USP32: variants seen among roughly 807,000 people sequenced by gnomAD.
USP32 encodes the protein ubiquitin specific peptidase 32.
In USP32, 59 loss-of-function variants were observed where a neutral mutation model predicts 204.8. The observed-to-expected ratio is 0.29, with a 90% confidence interval of 0.23 to 0.36. The LOEUF (loss-of-function observed/expected upper bound fraction) is 0.36. Among genes scored for constraint, USP32 ranks in the 10% least tolerant of loss-of-function variants. The pLI, the probability that USP32 is intolerant of heterozygous loss-of-function variation, is 1.00. For synonymous variants in USP32, 517 were observed against 678.4 expected (o/e 0.76, Z 3.70); for missense variants, 1,160 against 1,946.4 (o/e 0.60, Z 7.60).
intron 30 of USP32, among the ~76,000 whole-genome samples, chr17:60,184,140 T>C (rs2145368652): frequency 6.6e-6 from 1 of 150,996 alleles, no homozygotes; most frequent in Non-Finnish European, 1.5e-5. Context: ...AATAAATAAA[T>C]AAATAAATAA....
At chr17:60,392,288 T>G, upstream of USP32, 1 of 356,322 alleles carries the variant, frequency 2.8e-6, no homozygotes, top group Non-Finnish European at 5.2e-6. Flanking sequence ...CAGACACTGT[T>G]CCCGGTAACG....
Position 60,332,572 on chromosome 17 carries a change from C to A in USP32, c.186+12909G>T, listed in dbSNP as rs112584197. On this transcript the variant is annotated intron_variant, in intron 2 of 33. Transcript: ENST00000300896. ...CTGAAGCAGGAGAATCGCTTGAACC[C>A]AGGAGGCGGAGACTGCAGTGAGCCA... Among the ~76,000 whole-genome samples the A allele has an allele frequency of 8.8e-4, 134 of 152,076 alleles. 1 individual carries two copies. The highest frequency in any genetic ancestry group is 2.8e-3 in the African/African-American group (117 of 41,468).
intron 4 of USP32, among the ~76,000 whole-genome samples, chr17:60,293,506 C>A (rs1312602235): frequency 6.6e-6 from 1 of 152,012 alleles, no homozygotes; most frequent in Non-Finnish European, 1.5e-5. Context: ...ATGTCAGAAC[C>A]AAAAACACAG....
chr17:60,227,966 T>C (rs928691219), intron 12 of USP32, among the ~76,000 whole-genome samples: 6 of 152,158 alleles, frequency 3.9e-5, no homozygotes, highest in Admixed American at 6.6e-5. Flanking sequence ...GGAATCTATA[T>C]TACATATGAA....
At position 60,265,960 on chromosome 17, in the gene USP32, C is replaced by T. The variant is rs372783410; in HGVS notation, c.927+16G>A. The stretch of plus-strand genomic sequence containing the variant: ...GGAAGTTTATACGCAACAAGACATA[C>T]ACAATCATAACTTACAGGAATATCA... On this transcript the variant is annotated intron_variant, in intron 8 of 33. Transcript: ENST00000300896. 8.2e-6 allele frequency: 13 copies of T among 1,591,130 alleles called. No individual in the cohort carries two copies. The highest frequency in any genetic ancestry group is 6.6e-5 in the South Asian group (6 of 90,246).
rs200047889 is a variant in USP32, at chr17:60,198,266, T to A, written c.3428A>T (p.Gln1143Leu). Residue 1143 changes from glutamine to leucine, a missense_variant, in exon 27 of 34, where the codon CAG becomes CTG. Physicochemically the swap from Gln to Leu is moderately radical, Grantham distance 113. This residue lies in a region of USP32 where 160 missense variants were observed against 322.5 expected (regional missense o/e 0.50). Transcript: ENST00000300896. ...LPPQEASNHA[Q>L]DCDDSMGYQY... Reference sequence around the variant, plus strand: ...ATGGATCCCCTGAACTCACCAATCCTGGGCATGATTACTAGCTTCCTGAGG... The same window carrying A: ...ATGGATCCCCTGAACTCACCAATCCAGGGCATGATTACTAGCTTCCTGAGG... 1.5e-5 allele frequency: 24 copies of A among 1,614,052 alleles called. No individual in the cohort carries two copies. The Admixed American group carries it at 2.5e-4, about 17-fold the overall frequency.
chr17:60,209,940 A>C (rs2084916879), intron 21 of USP32, among the ~76,000 whole-genome samples: 1 of 151,998 alleles, frequency 6.6e-6, no homozygotes, highest in African/African-American at 2.4e-5. Flanking sequence ...TACATAGTAT[A>C]TACATAACAT....
intron 5 of USP32, among the ~76,000 whole-genome samples, chr17:60,280,974 G>A (rs954000200): frequency 1.3e-5 from 2 of 152,204 alleles, no homozygotes; most frequent in Non-Finnish European, 2.9e-5. Context: ...GTAGCTGCTT[G>A]CCAGAAGCCA....
At chr17:60,181,182 AT>A (rs2084101661) in intron 32 of USP32, 141 bp downstream of exon 32, 1 of 1,154,034 alleles carries the variant, frequency 8.7e-7, no homozygotes, top group Non-Finnish European at 1.2e-6. Flanking sequence ...GCAGGCCAAG[AT>A]TTCTGTGTTA....
At chr17:60,327,907 C>T (rs1229334182) in intron 2 of USP32, among the ~76,000 whole-genome samples, 2 of 152,252 alleles carry the variant, frequency 1.3e-5, no homozygotes, top group East Asian at 3.9e-4. Flanking sequence ...GCCACCTCAG[C>T]CCGCTTTGGA....
upstream of USP32, among the ~76,000 whole-genome samples, chr17:60,393,250 T>C (rs1308183414): frequency 6.6e-6 from 1 of 152,192 alleles, no homozygotes; most frequent in Non-Finnish European, 1.5e-5. Context: ...CTTGGCATCG[T>C]GCCTTCCAGG....
At chr17:60,296,762 C>T (rs1026449338) in intron 3 of USP32, among the ~76,000 whole-genome samples, 4 of 152,106 alleles carry the variant, frequency 2.6e-5, no homozygotes, top group Non-Finnish European at 5.9e-5. Context: ...CCAAGGACAC[C>T]AAAATCTGCA....
chr17:60,222,211 C>A (rs1035716597), intron 15 of USP32, among the ~76,000 whole-genome samples, 198 bp downstream of exon 15: 2 of 152,196 alleles, frequency 1.3e-5, no homozygotes, highest in Admixed American at 1.3e-4. Flanking sequence ...TCAACAGCCT[C>A]CTATTTCCTT....
At chr17:60,385,765 C>T (rs2089720062) in intron 1 of USP32, among the ~76,000 whole-genome samples, 1 of 151,148 alleles carries the variant, frequency 6.6e-6, no homozygotes, top group African/African-American at 2.4e-5. Flanking sequence ...TAGCTTGAAC[C>T]CGGGAGGCAG....
At chr17:60,390,376 C>T (rs1354912950) in intron 1 of USP32, among the ~76,000 whole-genome samples, 2 of 152,186 alleles carry the variant, frequency 1.3e-5, no homozygotes, top group Non-Finnish European at 2.9e-5. Context: ...AAGCCATTGC[C>T]TAATTGAGGC....
chr17:60,356,063 G>T (rs2089069296), intron 1 of USP32, among the ~76,000 whole-genome samples: 2 of 152,176 alleles, frequency 1.3e-5, no homozygotes, highest in South Asian at 4.1e-4. Context: ...CTTCTCAAAA[G>T]AAGTGTCAAT....
In USP32 at chr17:60,198,314, G is replaced by T. The variant is rs757750858; in HGVS notation, c.3380C>A (p.Ser1127Tyr). Residue 1127 changes from serine (S) to tyrosine (Y), a missense_variant, in exon 27 of 34, where the codon TCC becomes TAC. Coordinates refer to ENST00000300896, the MANE Select transcript of USP32 (RefSeq NM_032582.4). ...DLYDAVWIQV[S>Y]RLASPLPPQE... ...AGGTGGGAGTGGGCTCGCTAACCGG[G>T]ATACTTGAATCCAAACCGCATCATA... The T allele has an allele frequency of 2.5e-6, 4 of 1,614,026 alleles. No homozygotes were observed. In the South Asian group the frequency reaches 4.4e-5, roughly 18 times the overall value.
intron 1 of USP32, among the ~76,000 whole-genome samples, chr17:60,357,242 G>A (rs1039854353): frequency 2.6e-5 from 4 of 152,170 alleles, no homozygotes; most frequent in African/African-American, 9.7e-5. Flanking sequence ...CTTGAGACCA[G>A]GAGTTCAAGA....
chr17:60,268,162 A>G (rs2086641594), intron 7 of USP32, among the ~76,000 whole-genome samples: 1 of 152,170 alleles, frequency 6.6e-6, no homozygotes, highest in Non-Finnish European at 1.5e-5. Flanking sequence ...AACAATTAGA[A>G]CACCAGTGCT....
Sources: gnomAD v4.1 joint callset for allele counts (sites outside exome capture counted in the v4.1 genomes callset) on GRCh38, gnomAD v4.1.1 for gene constraint, gnomAD v4.1.1 regional missense constraint, MANE v1.5 for transcripts, NCBI Gene and HGNC (gene_info 2026-07-23, HGNC 2026-07-21) for gene names.